SOCS5: variants seen among roughly 807,000 people sequenced by gnomAD.
The protein encoded by SOCS5 is suppressor of cytokine signaling 5.
Under a neutral mutation model 42.8 loss-of-function variants are expected in SOCS5, and 32 were observed. The ratio of observed to expected loss-of-function variants is 0.75; its 90% confidence interval spans 0.56 to 1.01. SOCS5 has a LOEUF of 1.01. Among genes scored for constraint, SOCS5 ranks in the 50% least tolerant of loss-of-function variants. The probability of loss-of-function intolerance (pLI) is 0.00; values close to 1 mark genes in which losing one functional copy is unlikely to be tolerated. For synonymous variants in SOCS5, 283 were observed against 229.6 expected (o/e 1.23, Z -2.10); for missense variants, 627 against 653.0 (o/e 0.96, Z 0.43).
intron 1 of SOCS5, among the ~76,000 whole-genome samples, chr2:46,752,173 T>C (rs1444986411): frequency 6.6e-6 from 1 of 151,904 alleles, no homozygotes; most frequent in Non-Finnish European, 1.5e-5. Flanking sequence ...TTGTTCTTTT[T>C]TTTTTTTTTC....
intron 1 of SOCS5, among the ~76,000 whole-genome samples, chr2:46,705,777 A>G (rs1672448855): frequency 6.6e-6 from 1 of 152,152 alleles, no homozygotes; most frequent in African/African-American, 2.4e-5. Flanking sequence ...ATTTTTATAA[A>G]TGATTTAAAA....
chr2:46,712,655 T>G (rs1672652861), intron 1 of SOCS5, among the ~76,000 whole-genome samples: 1 of 152,212 alleles, frequency 6.6e-6, no homozygotes, highest in Non-Finnish European at 1.5e-5. Flanking sequence ...TCAGCTTTCT[T>G]AAAAAATGAG....
chr2:46,751,851 C>T (rs1446067995), intron 1 of SOCS5, among the ~76,000 whole-genome samples: 1 of 151,860 alleles, frequency 6.6e-6, no homozygotes, highest in African/African-American at 2.4e-5. Context: ...GTTGTATAGC[C>T]CACCATGAAC....
chr2:46,740,897 T>G (rs1450610321), intron 1 of SOCS5, among the ~76,000 whole-genome samples: 5 of 152,128 alleles, frequency 3.3e-5, no homozygotes, highest in Admixed American at 3.3e-4. Context: ...GGATCCTTCC[T>G]CAGCCATACA....
At chr2:46,713,158 C>A (rs917149511) in intron 1 of SOCS5, among the ~76,000 whole-genome samples, 1 of 152,254 alleles carries the variant, frequency 6.6e-6, no homozygotes, top group Non-Finnish European at 1.5e-5. Flanking sequence ...AAGTTTGAGA[C>A]CAGCTTGGGC....
intron 1 of SOCS5, among the ~76,000 whole-genome samples, chr2:46,730,295 A>G (rs1019092386): frequency 2.6e-4 from 40 of 152,084 alleles, no homozygotes; most frequent in African/African-American, 4.8e-5. Context: ...AACTTTTGAG[A>G]TTGGCTTAGA....
At position 46,725,777 on chromosome 2, in the gene SOCS5, C is replaced by G. The variant is rs534556306; in HGVS notation, c.-13+26328C>G. On this transcript the variant is annotated intron_variant, in intron 1 of 1. Coordinates refer to ENST00000394861, the MANE Select transcript of SOCS5 (RefSeq NM_144949.3). Reference sequence around the variant, plus strand: ...CCCTTGATATCATTTCTCTTCTATCCTTTAGTAACTCCTTCAGAGTGGATC... The same window carrying G: ...CCCTTGATATCATTTCTCTTCTATCGTTTAGTAACTCCTTCAGAGTGGATC... Among the ~76,000 whole-genome samples the G allele has an allele frequency of 4.6e-5, 7 of 151,980 alleles. No individual in the cohort carries two copies. In the South Asian group the frequency reaches 1.5e-3, roughly 32 times the overall value.
At chr2:46,756,051 G>C (rs570389362) in intron 1 of SOCS5, among the ~76,000 whole-genome samples, 1 of 152,312 alleles carries the variant, frequency 6.6e-6, no homozygotes, top group South Asian at 2.1e-4. Flanking sequence ...AGGGGGTTCA[G>C]TGTTAGAAAC....
At chr2:46,712,101 T>C (rs770998631) in intron 1 of SOCS5, among the ~76,000 whole-genome samples, 3 of 152,198 alleles carry the variant, frequency 2.0e-5, no homozygotes, top group Non-Finnish European at 2.9e-5. Context: ...TATCAATATC[T>C]ACAAAAAAGC....
intron 1 of SOCS5, among the ~76,000 whole-genome samples, chr2:46,707,962 A>G (rs994091017): frequency 4.6e-5 from 7 of 152,232 alleles, no homozygotes; most frequent in Non-Finnish European, 1.0e-4. Flanking sequence ...GTTTTATAAT[A>G]AAGTGTTGAA....
intron 1 of SOCS5, among the ~76,000 whole-genome samples, chr2:46,719,338 A>G (rs141677358): frequency 6.6e-6 from 1 of 152,348 alleles, no homozygotes; most frequent in East Asian, 1.9e-4. Flanking sequence ...TGTACGTGTA[A>G]TATGTATCCT....
At chr2:46,744,588 C>T (rs1289874600) in intron 1 of SOCS5, among the ~76,000 whole-genome samples, 4 of 150,964 alleles carry the variant, frequency 2.6e-5, no homozygotes, top group Non-Finnish European at 5.9e-5. Context: ...AGTGCAATGG[C>T]ACTATCTTGG....
intron 1 of SOCS5, among the ~76,000 whole-genome samples, chr2:46,711,807 C>G (rs1361888791): frequency 6.6e-6 from 1 of 152,058 alleles, no homozygotes; most frequent in African/African-American, 2.4e-5. Flanking sequence ...GATTTTTGCC[C>G]CCATATAGAT....
rs1027212898 is a variant in SOCS5, at chr2:46,715,338, C to G, written c.-13+15889C>G. ...AGTGAGCCTAGATCATGCCACTGTG[C>G]TTGAGCCTGGGTGACAGAGAGTAAC... is the stretch of plus-strand genomic sequence containing the variant. On this transcript the variant is annotated intron_variant, in intron 1 of 1. Transcript: ENST00000394861. Among the ~76,000 whole-genome samples the G allele has an allele frequency of 6.1e-5, 9 of 148,336 alleles. 1 individual carries two copies. Among genetic ancestry groups the G allele is most frequent in the Admixed American group, 3.4e-4 (5 of 14,636 alleles).
upstream of SOCS5, chr2:46,699,217 G>T (rs902648941): frequency 1.3e-5 from 2 of 152,520 alleles, no homozygotes; most frequent in African/African-American, 4.8e-5. This position sits in a 1 kb window ranked among gnomAD's most constrained non-coding sequence, Gnocchi z 4.8. Flanking sequence ...AGGGGAAACG[G>T]GTGAAGAAGG....
At chr2:46,710,476 A>C (rs1297309604) in intron 1 of SOCS5, among the ~76,000 whole-genome samples, 1 of 152,116 alleles carries the variant, frequency 6.6e-6, no homozygotes, top group Non-Finnish European at 1.5e-5. Flanking sequence ...TGGAAGTGTA[A>C]TTTACATATA....
chr2:46,702,420 G>A (rs1293648213), intron 1 of SOCS5, among the ~76,000 whole-genome samples: 1 of 152,148 alleles, frequency 6.6e-6, no homozygotes, highest in Non-Finnish European at 1.5e-5. Flanking sequence ...ATGTGTTACT[G>A]TTTCTGAATG....
intron 1 of SOCS5, among the ~76,000 whole-genome samples, chr2:46,702,951 A>G (rs961039837): frequency 6.6e-6 from 1 of 152,102 alleles, no homozygotes; most frequent in Non-Finnish European, 1.5e-5. Flanking sequence ...GGTCCTTTCA[A>G]CTTTGATTCT....
At chr2:46,743,494 G>A (rs1673424074) in intron 1 of SOCS5, among the ~76,000 whole-genome samples, 1 of 152,164 alleles carries the variant, frequency 6.6e-6, no homozygotes, top group Admixed American at 6.5e-5. Context: ...GATGACCAGA[G>A]ATCACTCTTG....
Sources: allele counts gnomAD v4.1 joint callset (sites outside exome capture counted in the v4.1 genomes callset), GRCh38; gene constraint gnomAD v4.1.1; non-coding constraint Gnocchi (gnomAD v3.1); transcripts MANE v1.5; gene names NCBI Gene and HGNC (gene_info 2026-07-23, HGNC 2026-07-21).